Variants in POU6F2 observed in about 807,000 individuals in gnomAD.
POU6F2 encodes POU class 6 homeobox 2.
A neutral mutation model predicts 71.3 loss-of-function variants in POU6F2; 31 were observed. The ratio of observed to expected loss-of-function variants is 0.43; its 90% CI spans 0.33 to 0.59. The LOEUF (loss-of-function observed/expected upper bound fraction) is 0.59. Ranked by LOEUF, POU6F2 falls within the 20% of genes least tolerant of loss-of-function variation. The probability of loss-of-function intolerance (pLI) is 0.04; values close to 1 mark genes in which losing one functional copy is unlikely to be tolerated. For missense variants in POU6F2, 783 were observed against 856.8 expected, an observed-to-expected ratio of 0.91 and a Z score of 1.07; for synonymous variants, 347 against 355.7, an observed-to-expected ratio of 0.98 and a Z score of 0.27.
intron 1 of POU6F2, among the ~76,000 whole-genome samples, chr7:39,038,401 G>C (rs1304543597): frequency 6.6e-6 from 1 of 151,878 alleles, no homozygotes; most frequent in East Asian, 1.9e-4. Context: ...AATATAAAAT[G>C]GTAAATTTAT....
chr7:39,351,005 T>A (rs1297804841), intron 5 of POU6F2, among the ~76,000 whole-genome samples: 1 of 152,254 alleles, frequency 6.6e-6, no homozygotes, highest in African/African-American at 2.4e-5. Flanking sequence ...CTTGTTTGTT[T>A]GTTGTTTGAA....
At chr7:39,198,140 C>G (rs1206283861) in intron 2 of POU6F2, among the ~76,000 whole-genome samples, 1 of 152,126 alleles carries the variant, frequency 6.6e-6, no homozygotes, top group African/African-American at 2.4e-5. Flanking sequence ...GAGTTTCGCT[C>G]TGCTTTTATT....
intron 1 of POU6F2, among the ~76,000 whole-genome samples, chr7:39,035,430 G>A (rs1414234714): frequency 2.0e-5 from 3 of 151,960 alleles, no homozygotes; most frequent in Non-Finnish European, 4.4e-5. Context: ...AGGAGAAGGC[G>A]AGTGAAAAAA....
intron 2 of POU6F2, among the ~76,000 whole-genome samples, chr7:39,091,914 G>A (rs556991814): frequency 2.0e-5 from 3 of 152,186 alleles, no homozygotes; most frequent in Non-Finnish European, 2.9e-5. Flanking sequence ...TGACGACCTT[G>A]CTGGTTTATA....
chr7:39,331,654 C>T (rs1785654047), intron 4 of POU6F2, among the ~76,000 whole-genome samples: 1 of 152,094 alleles, frequency 6.6e-6, no homozygotes, highest in African/African-American at 2.4e-5. Flanking sequence ...ACTACAGGCA[C>T]ACGCCACCAC....
At chr7:38,979,612 T>C (rs1435803020) in intron 1 of POU6F2, among the ~76,000 whole-genome samples, 1 of 152,186 alleles carries the variant, frequency 6.6e-6, no homozygotes, top group Non-Finnish European at 1.5e-5. Flanking sequence ...AAGTACTCAC[T>C]GACGAGCAAA....
chr7:39,101,139 C>T (rs371453267), intron 2 of POU6F2, among the ~76,000 whole-genome samples: 1 of 150,580 alleles, frequency 6.6e-6, no homozygotes, highest in East Asian at 2.0e-4. Flanking sequence ...AATGGCGCAA[C>T]CTTGGTTCAC....
At chr7:39,185,985 A>C (rs1793532985) in intron 2 of POU6F2, among the ~76,000 whole-genome samples, 1 of 151,984 alleles carries the variant, frequency 6.6e-6, no homozygotes, top group East Asian at 1.9e-4. Flanking sequence ...ATCTTGGCTC[A>C]CTGCAATCTC....
intron 1 of POU6F2, among the ~76,000 whole-genome samples, chr7:38,994,060 T>C (rs1424543430): frequency 6.6e-6 from 1 of 152,208 alleles, no homozygotes; most frequent in Non-Finnish European, 1.5e-5. Flanking sequence ...TGCCAACTCT[T>C]CTTTGTTATT....
intron 2 of POU6F2, among the ~76,000 whole-genome samples, chr7:39,099,262 A>G (rs931406301): frequency 6.6e-6 from 1 of 152,244 alleles, no homozygotes; most frequent in Non-Finnish European, 1.5e-5. Flanking sequence ...GAGAAGTGTT[A>G]TGAAGCCAGA....
chr7:39,154,091 C>T (rs1283518483), intron 2 of POU6F2, among the ~76,000 whole-genome samples: 1 of 152,210 alleles, frequency 6.6e-6, no homozygotes, highest in African/African-American at 2.4e-5. Flanking sequence ...GAATAGCATA[C>T]ATTACTCATA....
chr7:39,244,644 G>A (rs985172661), intron 4 of POU6F2, among the ~76,000 whole-genome samples: 1 of 152,050 alleles, frequency 6.6e-6, no homozygotes, highest in Admixed American at 6.6e-5. Context: ...TCACACACAC[G>A]CATTTCATAC....
At chr7:39,448,091 C>T (rs570550543) in intron 7 of POU6F2, among the ~76,000 whole-genome samples, 24 of 152,022 alleles carry the variant, frequency 1.6e-4, no homozygotes, top group Non-Finnish European at 2.2e-4. Context: ...ACTAAGAATC[C>T]CAGTGATGTA....
intron 2 of POU6F2, among the ~76,000 whole-genome samples, chr7:39,139,260 A>G (rs997561700): frequency 6.6e-6 from 1 of 152,114 alleles, no homozygotes; most frequent in Non-Finnish European, 1.5e-5. Context: ...GACTTTTCTA[A>G]CTTTGCTCGT....
intron 4 of POU6F2, among the ~76,000 whole-genome samples, chr7:39,262,431 A>G (rs1248065870): frequency 1.3e-5 from 2 of 152,164 alleles, no homozygotes; most frequent in Admixed American, 1.3e-4. Flanking sequence ...TTTTTCTCAG[A>G]GCCTGATTTT....
chr7:39,012,037 G>T (rs1417615550), intron 1 of POU6F2, among the ~76,000 whole-genome samples: 1 of 152,002 alleles, frequency 6.6e-6, no homozygotes, highest in Non-Finnish European at 1.5e-5. Context: ...TCTTTGTGGT[G>T]TTCTCTGTAT....
At chr7:39,451,926 G>T (rs939610029) in intron 8 of POU6F2, among the ~76,000 whole-genome samples, 1 of 152,196 alleles carries the variant, frequency 6.6e-6, no homozygotes. Flanking sequence ...CTGAATTAGT[G>T]GCTATCAAGG....
At chr7:39,095,905 A>G (rs1342801150) in intron 2 of POU6F2, among the ~76,000 whole-genome samples, 1 of 152,182 alleles carries the variant, frequency 6.6e-6, no homozygotes, top group African/African-American at 2.4e-5. Context: ...AGCATTTTTT[A>G]ATATACCATT....
At chr7:39,334,268 A>G (rs552603068) in intron 4 of POU6F2, among the ~76,000 whole-genome samples, 2 of 152,310 alleles carry the variant, frequency 1.3e-5, no homozygotes, top group South Asian at 4.1e-4. Context: ...CTTGTTTCTG[A>G]CATTGTTGCC....
Sources: gnomAD v4.1 joint callset for allele counts (sites outside exome capture counted in the v4.1 genomes callset) on GRCh38, gnomAD v4.1.1 for gene constraint, MANE v1.5 for transcripts, NCBI Gene and HGNC (gene_info 2026-07-23, HGNC 2026-07-21) for gene names.